The following SRGAP3 variants were observed in gnomAD, a reference collection of about 807,000 sequenced individuals.
SRGAP3 encodes the protein SLIT-ROBO Rho GTPase-activating protein 3.
SRGAP3 carries 39 observed loss-of-function variants against 121.1 expected under a neutral mutation model. The ratio of observed to expected loss-of-function variants is 0.32; its 90% CI spans 0.25 to 0.42. The LOEUF (loss-of-function observed/expected upper bound fraction) is 0.42, where lower values mean the gene tolerates loss of function less well. SRGAP3 is among the 10% of genes least tolerant of loss of function. The probability of loss-of-function intolerance (pLI) is 1.00; values close to 1 mark genes in which losing one functional copy is unlikely to be tolerated. For missense variants in SRGAP3, 1,213 were observed against 1,470.6 expected, an observed-to-expected ratio of 0.82 and a Z score of 2.86; for synonymous variants, 601 against 570.0, an observed-to-expected ratio of 1.05 and a Z score of -0.77.
intron 1 of SRGAP3, chr3:9,348,924 C>T (rs2029899808): frequency 5.0e-6 from 5 of 990,790 alleles, no homozygotes; most frequent in Middle Eastern, 4.3e-4. Context: ...ATTGCCAAGG[C>T]TCTGCCCTTT....
In SRGAP3 at chr3:9,060,278, C is replaced by T. The variant is rs1383947893; in HGVS notation, c.754G>A (p.Ala252Thr). ...TGGATGTAGTATTTGCTTATAGCTG[C>T]GTTGGTGGCTGCCAGATTGAGCAAG... ...DYLLNLAATN[A>T]AISKYYIHDV... Residue 252 changes from alanine to threonine, a missense_variant, in exon 6 of 22, where the codon GCA (alanine) becomes ACA (threonine). By Grantham distance (58) the Ala-to-Thr change is moderately conservative. Around this residue, in one of 2 missense-constraint regions of SRGAP3, gnomAD observed 793 missense variants for 1,032.9 expected, o/e 0.77. Coordinates refer to ENST00000383836, the MANE Select transcript of SRGAP3 (RefSeq NM_014850.4). 3.4e-5 allele frequency: 55 copies of T among 1,614,042 alleles called. No homozygotes were observed. The highest frequency in any genetic ancestry group is 4.6e-5 in the Non-Finnish European group (54 of 1,180,034).
intron 2 of SRGAP3, among the ~76,000 whole-genome samples, chr3:9,108,429 G>A (rs1948496086): frequency 6.6e-6 from 1 of 152,072 alleles, no homozygotes; most frequent in Non-Finnish European, 1.5e-5. Context: ...ACCAGCCTGG[G>A]CAACATAGCA....
chr3:8,992,856 C>A, intron 20 of SRGAP3, 50 bp downstream of exon 20: 2 of 1,613,902 alleles, frequency 1.2e-6, no homozygotes, highest in South Asian at 1.1e-5. Flanking sequence ...CCAAATCAGA[C>A]ATGAACAGGA....
intron 3 of SRGAP3, among the ~76,000 whole-genome samples, chr3:9,086,530 A>C (rs571565536): frequency 1.3e-4 from 20 of 151,234 alleles, no homozygotes; most frequent in Middle Eastern, 3.4e-3. Context: ...AAAAAAAAAA[A>C]AAAAAAAACC....
At chr3:9,302,911 C>T (rs745356892) in intron 3 of SRGAP3, among the ~76,000 whole-genome samples, 6 of 152,134 alleles carry the variant, frequency 3.9e-5, no homozygotes, top group Non-Finnish European at 7.4e-5. Flanking sequence ...AGAATGGCAA[C>T]GAAGATAATA....
intron 1 of SRGAP3, among the ~76,000 whole-genome samples, chr3:9,132,330 G>A (rs1949485782): frequency 6.6e-6 from 1 of 152,148 alleles, no homozygotes; most frequent in African/African-American, 2.4e-5. Flanking sequence ...AACGTCTAAT[G>A]TCATGTGTCC....
chr3:9,333,326 T>C (rs1955640416), intron 1 of SRGAP3, among the ~76,000 whole-genome samples: 1 of 152,188 alleles, frequency 6.6e-6, no homozygotes, highest in Non-Finnish European at 1.5e-5. Flanking sequence ...ATTCAGATGA[T>C]ATCTTAGGGC....
In SRGAP3 at chr3:8,994,327, T is replaced by A. The variant is rs537480730; in HGVS notation, c.2408+16A>T. 294 of 1,613,812 alleles carry A rather than the reference T, an allele frequency of 1.8e-4. 3 individuals carry two copies. The South Asian group carries it at 3.1e-3, about 17-fold the overall frequency. ...TCTATTTCGGCATTCTTCACAGAAT[T>A]CTCGACTCCACTCACATGTCCTGTA... On this transcript the variant is annotated intron_variant, in intron 19 of 21. Transcript: ENST00000383836.
intron 1 of SRGAP3, among the ~76,000 whole-genome samples, chr3:9,125,395 T>C (rs1560207751): frequency 6.6e-6 from 1 of 152,252 alleles, no homozygotes; most frequent in African/African-American, 2.4e-5. Context: ...CCAAAGGCTC[T>C]AAGCCTAAGC....
chr3:9,078,067 G>A (rs1947055885), intron 4 of SRGAP3, among the ~76,000 whole-genome samples: 4 of 152,182 alleles, frequency 2.6e-5, no homozygotes, highest in Admixed American at 2.0e-4. Flanking sequence ...GAAGCCGAGA[G>A]GTAATAACAT....
At chr3:9,015,983 A>G (rs1943618420) in intron 14 of SRGAP3, 1 of 522,434 alleles carries the variant, frequency 1.9e-6, no homozygotes, top group Non-Finnish European at 3.4e-6. Flanking sequence ...CTTACAACTC[A>G]TCTTGCCACA....
chr3:9,057,324 G>C (rs539458387), intron 7 of SRGAP3, among the ~76,000 whole-genome samples: 40 of 152,320 alleles, frequency 2.6e-4, no homozygotes, highest in Admixed American at 2.4e-3. Context: ...ACAAGGGACA[G>C]TAGCGCTCTG....
At chr3:9,235,823 G>A (rs890785842) in intron 1 of SRGAP3, 1 of 152,068 alleles carries the variant, frequency 6.6e-6, no homozygotes, top group African/African-American at 2.4e-5. Flanking sequence ...TTGTTTAATG[G>A]GTACAGAGTT....
At chr3:9,197,865 T>C (rs759826438) in intron 1 of SRGAP3, among the ~76,000 whole-genome samples, 9 of 152,272 alleles carry the variant, frequency 5.9e-5, no homozygotes, top group Non-Finnish European at 1.0e-4. Flanking sequence ...TTAATATGAA[T>C]TGTGTATCTC....
intron 10 of SRGAP3, among the ~76,000 whole-genome samples, chr3:9,043,940 G>A (rs1223771828): frequency 2.6e-5 from 4 of 152,118 alleles, no homozygotes; most frequent in Non-Finnish European, 5.9e-5. Flanking sequence ...CAATAAAAAG[G>A]TTATAAGTCT....
At chr3:9,022,658 G>A (rs186322346) in intron 14 of SRGAP3, among the ~76,000 whole-genome samples, 76 of 152,140 alleles carry the variant, frequency 5.0e-4, no homozygotes, top group Non-Finnish European at 9.0e-4. Context: ...ATCTGGCAGC[G>A]GCCAACCCAG....
chr3:9,354,234 C>T (rs371568453), intron 1 of SRGAP3, among the ~76,000 whole-genome samples: 2 of 152,224 alleles, frequency 1.3e-5, no homozygotes, highest in African/African-American at 2.4e-5. Flanking sequence ...GCACTACAAA[C>T]GTGTCTTTTA....
In SRGAP3 at chr3:9,015,666, G is replaced by C; in HGVS notation, c.1744C>G (p.Leu582Val). The C allele has an allele frequency of 1.2e-6, 2 of 1,614,098 alleles. No individual in the cohort carries two copies. Among genetic ancestry groups the C allele is most frequent in the Non-Finnish European group, 1.7e-6 (2 of 1,180,000 alleles). Residue 582 changes from leucine to valine, a missense_variant, in exon 15 of 22, where the codon CTG becomes GTG. Coordinates refer to ENST00000383836, the MANE Select transcript of SRGAP3 (RefSeq NM_014850.4). ...GGGTTTTCCAGTCCTCGGAAATACA[G>C]TTTTAAAACACCAGCGACTGAATTG... The part of the protein sequence containing the change: ...DINSVAGVLK[L>V]YFRGLENPLF...
intron 1 of SRGAP3, among the ~76,000 whole-genome samples, chr3:9,180,511 G>A (rs1364210673): frequency 2.6e-5 from 4 of 152,140 alleles, no homozygotes; most frequent in South Asian, 2.1e-4. Flanking sequence ...GGAGCAGGGC[G>A]GGGAGGACAG....
Sources: gnomAD v4.1 joint callset for allele counts (sites outside exome capture counted in the v4.1 genomes callset) on GRCh38, gnomAD v4.1.1 for gene constraint, gnomAD v4.1.1 regional missense constraint, MANE v1.5 for transcripts, NCBI Gene and HGNC (gene_info 2026-07-23, HGNC 2026-07-21) for gene names.